The following NBEAL2 variants were observed in gnomAD, a reference collection of about 807,000 sequenced individuals.
The protein encoded by NBEAL2 is neurobeachin-like protein 2.
Under a neutral mutation model 299.8 loss-of-function variants are expected in NBEAL2, and 160 were observed. The ratio of observed to expected loss-of-function variants is 0.53; its 90% CI spans 0.47 to 0.61. The LOEUF (loss-of-function observed/expected upper bound fraction) is 0.61. Among genes scored for constraint, NBEAL2 ranks in the 20% least tolerant of loss-of-function variants. NBEAL2 has a pLI of 0.00. For synonymous variants in NBEAL2, 1,493 were observed against 1,542.3 expected (o/e 0.97, Z 0.75); for missense variants, 3,112 against 3,649.0 (o/e 0.85, Z 3.79).
Position 47,008,631 on chromosome 3 carries a change from A to G in NBEAL2, c.7990A>G (p.Thr2664Ala). 1.2e-6 allele frequency: 2 copies of G among 1,613,290 alleles called. No homozygotes were observed. Among genetic ancestry groups the G allele is most frequent in the Non-Finnish European group, 1.7e-6 (2 of 1,179,770 alleles). The change falls in exon 52 of 54, where the codon ACC (threonine) becomes GCC (alanine). Residue 2664 changes from threonine (T) to alanine (A), a missense_variant. Thr to Ala is a moderately conservative substitution (Grantham distance 58, BLOSUM62 0). Around this residue, in one of 3 missense-constraint regions of NBEAL2, gnomAD observed 348 missense variants for 381.4 expected, o/e 0.91. Coordinates refer to ENST00000450053, the MANE Select transcript of NBEAL2 (RefSeq NM_015175.3). The part of the protein sequence containing the change: ...TVTEDFVLLG[T>A]AQCALHILQL... Reference sequence around the variant, plus strand: ...GACAGAGGACTTTGTGTTGCTGGGCACCGCCCAGTGCGCCCTGCACATCCT... The same window carrying G: ...GACAGAGGACTTTGTGTTGCTGGGCGCCGCCCAGTGCGCCCTGCACATCCT...
chr3:46,987,894 T>C, intron 1 of NBEAL2: 1 of 671,442 alleles, frequency 1.5e-6, no homozygotes, highest in Non-Finnish European at 1.8e-6. Context: ...CCCCCCCACA[T>C]CCCTGCGGTC....
At chr3:46,987,981 T>A in intron 1 of NBEAL2, 1 of 1,276,052 alleles carries the variant, frequency 7.8e-7, no homozygotes, top group African/African-American at 1.6e-5. Flanking sequence ...GAGGAGACAT[T>A]TCCCGTTCAC....
rs1277447568 is a variant in NBEAL2, at chr3:46,993,985, C to G, written c.1162C>G (p.Leu388Val). The G allele has an allele frequency of 1.9e-6, 3 of 1,612,048 alleles. No homozygotes were observed. Among genetic ancestry groups the G allele is most frequent in the Non-Finnish European group, 1.7e-6 (2 of 1,179,352 alleles). ...DAIAVHVVRV[L>V]TCIMSDSPSA... ...CATTGCAGTCCATGTAGTCAGAGTG[C>G]TGACCTGCATCATGAGTGACTCCCC... The change falls in exon 11 of 54, where the codon CTG becomes GTG. Residue 388 changes from leucine to valine, a missense_variant. Leu to Val is a conservative substitution (Grantham distance 32). Around this residue, in one of 3 missense-constraint regions of NBEAL2, gnomAD observed 2,243 missense variants for 2,538.1 expected, o/e 0.88. Coordinates refer to ENST00000450053, the MANE Select transcript of NBEAL2 (RefSeq NM_015175.3).
rs76619536 is a variant in NBEAL2 at position 46,984,960 on chromosome 3, T to G, written c.52-3709T>G. ...TACCCAAGAAGCAAAGGGATGGTTT[T>G]AAAGAGGTTAATGTTAAGTAACAAG... On this transcript the variant is annotated intron_variant, in intron 1 of 53. Coordinates refer to ENST00000450053, the MANE Select transcript of NBEAL2 (RefSeq NM_015175.3). Among the ~76,000 whole-genome samples, 1,196 of 152,234 alleles carry G rather than the reference T, an allele frequency of 7.9e-3. 19 individuals are homozygous for G. Among genetic ancestry groups the G allele is most frequent in the African/African-American group, 0.028 (1,148 of 41,538 alleles).
Position 46,989,124 on chromosome 3 carries a change from A to T in NBEAL2, c.309A>T (p.Leu103=), listed in dbSNP as rs769346049. 6.2e-7 allele frequency: 1 copy of T among 1,613,788 alleles called. No homozygotes were observed. The highest frequency in any genetic ancestry group is 8.5e-7 in the Non-Finnish European group (1 of 1,179,830). The part of the protein sequence containing the change: ...ENIEAGRGQV[L]VPRVLALLTK... ...TAGAGGCAGGCCGGGGCCAAGTGCT[A>T]GTGCCCCGAGTGCTGGCACTGTTGA... Residue 103 remains leucine, a synonymous_variant, in exon 4 of 54, where the codon CTA becomes CTT. Coordinates refer to ENST00000450053, the MANE Select transcript of NBEAL2 (RefSeq NM_015175.3). This position sits in a 1 kb window ranked among gnomAD's most constrained non-coding sequence, Gnocchi z 5.5.
chr3:46,994,140 G>A, intron 11 of NBEAL2, 120 bp downstream of exon 11: 1 of 1,003,666 alleles, frequency 1.0e-6, no homozygotes, highest in Non-Finnish European at 1.5e-6. Flanking sequence ...AAGCAGGCGA[G>A]CTGGGAGGTG....
chr3:47,007,516 C>T lies in NBEAL2; in HGVS notation c.7335-9C>T, dbSNP rs1468384183. 1 of 1,606,864 alleles carries T rather than the reference C, an allele frequency of 6.2e-7. No homozygotes were observed. Among genetic ancestry groups the T allele is most frequent in the Non-Finnish European group, 8.5e-7 (1 of 1,176,480 alleles). On this transcript the variant is annotated splice_polypyrimidine_tract_variant and intron_variant, in intron 47 of 53. Transcript: ENST00000450053. The stretch of plus-strand genomic sequence containing the variant: ...CTGGCCTCACTTGCTATCCCCCTCA[C>T]TGGGTCAGGACGCAGCGACTGCTGA...
Position 47,006,268 on chromosome 3 carries a change from G to C in NBEAL2, c.7017+6G>C. ...CTCCCTGTCAGCTGCTGAAGGTAAG[G>C]CCAGCTTAGAGGATAGTGGCCAGGG... On this transcript the variant is annotated splice_donor_region_variant and intron_variant, in intron 44 of 53. Coordinates refer to ENST00000450053, the MANE Select transcript of NBEAL2 (RefSeq NM_015175.3). The C allele has an allele frequency of 1.2e-6, 2 of 1,613,216 alleles. No individual in the cohort carries two copies. The highest frequency in any genetic ancestry group is 1.7e-6 in the Non-Finnish European group (2 of 1,179,626).
In NBEAL2 at chr3:46,991,739, C is replaced by T; in HGVS notation, c.925+51C>T. On this transcript the variant is annotated intron_variant, in intron 8 of 53. Transcript: ENST00000450053. The surrounding 1 kb of genome is among the most constrained non-coding windows in gnomAD (Gnocchi z 6.2). ...GGGAAGGGGCACCATGAGGGAAAAG[C>T]CTAAGTGATGATGGAAGGTCTGGAT... 6.4e-7 allele frequency: 1 copy of T among 1,572,446 alleles called. No homozygotes were observed.
intron 1 of NBEAL2, 72 bp downstream of exon 1, chr3:46,979,984 G>C (rs1356522282): frequency 5.0e-6 from 1 of 201,214 alleles, no homozygotes; most frequent in Non-Finnish European, 9.7e-6. Flanking sequence ...CGCGCCTGCT[G>C]CACCTGGCGC....
rs146899838 is a variant in NBEAL2, at chr3:47,002,724, C to T, written c.5381C>T (p.Thr1794Met). The change falls in exon 33 of 54, where the codon ACG (threonine) becomes ATG (methionine). Residue 1794 changes from threonine (T) to methionine (M), a missense_variant. This residue lies in a region of NBEAL2 where 2,243 missense variants were observed against 2,538.1 expected (regional missense o/e 0.88). Transcript: ENST00000450053. ...RYTAVLKQQATQHSMALLHWG... is the reference protein window; with the variant it reads ...RYTAVLKQQAMQHSMALLHWG... ...ACGGCAGTGCTGAAGCAGCAGGCAA[C>T]GCAGCACTCCATGGCCCTGCTGCAC... The T allele has an allele frequency of 2.5e-4, 394 of 1,593,284 alleles. 1 individual carries two copies. In the East Asian group the frequency reaches 5.5e-3, roughly 22 times the overall value.
rs2036712762 is a variant in NBEAL2, at chr3:46,998,780, C to T, written c.3285C>T (p.Gly1095=). The change falls in exon 23 of 54, where the codon GGC becomes GGT. Residue 1095 remains glycine (G), a synonymous_variant. Coordinates refer to ENST00000450053, the MANE Select transcript of NBEAL2 (RefSeq NM_015175.3). ...GCACCGTGCAGACCTCCCTCCTGGGCCTGGCGAGGGAGTTCCTGGTGCGGA... is the reference window on the plus strand; with the variant it reads ...GCACCGTGCAGACCTCCCTCCTGGGTCTGGCGAGGGAGTTCCTGGTGCGGA... ...DLRTVQTSLL[G]LAREFLVRSL... is the part of the protein sequence containing the mutation. 1 of 1,569,062 alleles carries T rather than the reference C, an allele frequency of 6.4e-7. No homozygotes were observed. Among genetic ancestry groups the T allele is most frequent in the Non-Finnish European group, 8.6e-7 (1 of 1,157,160 alleles).
chr3:46,989,615 C>G lies in NBEAL2; in HGVS notation c.556+22C>G. 2.6e-6 allele frequency: 4 copies of G among 1,557,936 alleles called. No homozygotes were observed. Among genetic ancestry groups the G allele is most frequent in the Non-Finnish European group, 3.5e-6 (4 of 1,149,404 alleles). ...CAAGGTCAGGCCCCGCCCCTGCCCC[C>G]ACTTGGCTCCACCCCCAAACCTAGG... On this transcript the variant is annotated intron_variant, in intron 6 of 53. Coordinates refer to ENST00000450053, the MANE Select transcript of NBEAL2 (RefSeq NM_015175.3). This position sits in a 1 kb window ranked among gnomAD's most constrained non-coding sequence, Gnocchi z 5.5.
chr3:47,009,360 G>T lies in NBEAL2; in HGVS notation c.*40G>T, dbSNP rs1171953339. On this transcript the variant is annotated 3_prime_UTR_variant, in exon 54 of 54. Transcript: ENST00000450053. ...GCTGCTCGGGCCCCGCCCCCGGCAG[G>T]CCTGGCCCGGGAGGCCCCGCCCAGA... 6.5e-7 allele frequency: 1 copy of T among 1,543,684 alleles called. No individual in the cohort carries two copies. The highest frequency in any genetic ancestry group is 8.8e-7 in the Non-Finnish European group (1 of 1,141,084).
rs761294015 is a variant in NBEAL2, at chr3:47,002,991, G to A, written c.5494G>A (p.Ala1832Thr). Residue 1832 changes from alanine (A) to threonine (T), a missense_variant, in exon 34 of 54, where the codon GCC (alanine) becomes ACC (threonine). Physicochemically the swap from Ala to Thr is moderately conservative, Grantham distance 58. This residue lies in a region of NBEAL2 where 2,243 missense variants were observed against 2,538.1 expected (regional missense o/e 0.88). Transcript: ENST00000450053. ...CATCCCCCGCTGGAAACTGTCCAGC[G>A]CCGAGACATATTCACGCATGCGTCT... ...TPIPRWKLSSAETYSRMRLKL... is the reference protein window; with the variant it reads ...TPIPRWKLSSTETYSRMRLKL... The A allele has an allele frequency of 8.7e-6, 14 of 1,613,278 alleles. No homozygotes were observed. Among genetic ancestry groups the A allele is most frequent in the African/African-American group, 5.3e-5 (4 of 74,936 alleles).
intron 20 of NBEAL2, 149 bp downstream of exon 20, chr3:46,997,843 C>G: frequency 7.8e-7 from 1 of 1,276,618 alleles, no homozygotes; most frequent in Non-Finnish European, 1.0e-6. Flanking sequence ...AGGGTTGGGT[C>G]TGGAGGATCT....
rs764034346 is a variant in NBEAL2 at position 47,003,319 on chromosome 3, G to A, written c.5720+10G>A. ...CTGAGCTGGAGACCCCGTGAGTGGG[G>A]CCCTGGAGAGATTGGACTGGTGTGG... On this transcript the variant is annotated intron_variant, in intron 35 of 53. Transcript: ENST00000450053. The surrounding 1 kb of genome is among the most constrained non-coding windows in gnomAD (Gnocchi z 7.0). 1 of 1,609,944 alleles carries A rather than the reference G, an allele frequency of 6.2e-7. No individual in the cohort carries two copies. The highest frequency in any genetic ancestry group is 2.2e-5 in the East Asian group (1 of 44,862).
At chr3:46,996,676 C>T (rs941264202) in intron 16 of NBEAL2, 75 bp from the exon 17 acceptor site, 1 of 1,557,006 alleles carries the variant, frequency 6.4e-7, no homozygotes, top group African/African-American at 1.4e-5. Flanking sequence ...GGGGTCTCTC[C>T]TGTGGTCAGG....
Position 47,007,498 on chromosome 3 carries a change from C to T in NBEAL2, c.7335-27C>T, listed in dbSNP as rs201689517. On this transcript the variant is annotated intron_variant, in intron 47 of 53. Coordinates refer to ENST00000450053, the MANE Select transcript of NBEAL2 (RefSeq NM_015175.3). ...GGGTCTCTTCCATGTGGCCTGGCCT[C>T]ACTTGCTATCCCCCTCACTGGGTCA... The T allele has an allele frequency of 3.1e-5, 50 of 1,598,290 alleles. No individual in the cohort carries two copies. In the South Asian group the frequency reaches 5.5e-4, roughly 18 times the overall value.
Sources: allele counts gnomAD v4.1 joint callset (sites outside exome capture counted in the v4.1 genomes callset), GRCh38; gene constraint gnomAD v4.1.1; regional missense constraint gnomAD v4.1.1; non-coding constraint Gnocchi (gnomAD v3.1); transcripts MANE v1.5; gene names NCBI Gene and HGNC (gene_info 2026-07-23, HGNC 2026-07-21).